Variants in TMEM72 observed in about 807,000 individuals in gnomAD.
The protein encoded by TMEM72 is transmembrane protein 72.
TMEM72 carries 9 observed loss-of-function variants against 16.3 expected under a neutral mutation model. That is an observed-to-expected ratio of 0.55 (90% confidence interval 0.33 to 0.96). TMEM72 has a LOEUF of 0.96. Among genes scored for constraint, TMEM72 ranks in the 40% least tolerant of loss-of-function variants. TMEM72 has a pLI of 0.03. For missense variants in TMEM72, 324 were observed against 337.8 expected (o/e 0.96, Z 0.32); for synonymous variants, 160 against 146.5 (o/e 1.09, Z -0.66).
intron 3 of TMEM72, 81 bp downstream of exon 3, chr10:44,932,150 C>A: frequency 6.8e-7 from 1 of 1,481,136 alleles, no homozygotes; most frequent in South Asian, 1.2e-5. Context: ...GAGCCCACAA[C>A]CAGGGGATGT....
chr10:44,926,149 A>G (rs1210887681), intron 1 of TMEM72, among the ~76,000 whole-genome samples: 1 of 151,822 alleles, frequency 6.6e-6, no homozygotes, highest in Non-Finnish European at 1.5e-5. Context: ...TCACATATAT[A>G]CTCACATATA....
Position 44,935,118 on chromosome 10 carries a change from C to A in TMEM72, c.812C>A (p.Ala271Asp). 2 of 1,599,242 alleles carry A rather than the reference C, an allele frequency of 1.3e-6. No individual in the cohort carries two copies. The highest frequency in any genetic ancestry group is 1.7e-6 in the Non-Finnish European group (2 of 1,172,578). Residue 271 changes from alanine (A) to aspartate (D), a missense_variant, in exon 5 of 5, where the codon GCC (alanine) becomes GAC (aspartate). Physicochemically the swap from Ala to Asp is moderately radical, Grantham distance 126. Coordinates refer to ENST00000389583, the MANE Select transcript of TMEM72 (RefSeq NM_001123376.3). ...QAPLFLSSLT[A>D]TGLF ...CCACTCTTCCTGTCATCTCTTACAG[C>A]CACCGGCCTGTTCTGAGCGCTTGCT...
At chr10:44,932,820 CCCTGGATGGACTCCA>C (rs1840322770) in intron 3 of TMEM72, among the ~76,000 whole-genome samples, 1 of 152,174 alleles carries the variant, frequency 6.6e-6, no homozygotes, top group Admixed American at 6.5e-5. Flanking sequence ...GAGGAATGGA[CCCTGGATGGACTCCA>C]CCGCACCCTG....
intron 1 of TMEM72, among the ~76,000 whole-genome samples, chr10:44,924,507 G>A (rs548106406): frequency 3.1e-4 from 46 of 146,272 alleles, no homozygotes; most frequent in Non-Finnish European, 6.1e-4. Context: ...GTGGGCCTCG[G>A]AGAAGCGGCC....
At position 44,911,555 on chromosome 10, in the gene TMEM72, C is replaced by T. The variant is rs1217480422; in HGVS notation, c.43C>T (p.Arg15Trp). 9 of 1,551,112 alleles carry T rather than the reference C, an allele frequency of 5.8e-6. No individual in the cohort carries two copies. The highest frequency in any genetic ancestry group is 2.4e-5 in the East Asian group (1 of 41,092). ...CTGGACTGGGCTGGAATACACCTGC[C>T]GGCTCCTGGGCATCACCACTGCTGC... ...VFWTGLEYTCRLLGITTAAVL... is the reference protein window; with the variant it reads ...VFWTGLEYTCWLLGITTAAVL... Residue 15 changes from arginine to tryptophan, a missense_variant, in exon 1 of 5, where the codon CGG (arginine) becomes TGG (tryptophan). By Grantham distance (101) the Arg-to-Trp change is moderately radical. Transcript: ENST00000389583.
chr10:44,926,405 A>G (rs1840193886), intron 1 of TMEM72, among the ~76,000 whole-genome samples: 1 of 152,272 alleles, frequency 6.6e-6, no homozygotes, highest in South Asian at 2.1e-4. Context: ...CCTCTGTAAA[A>G]TGGAGAGAGT....
chr10:44,930,795 T>A (rs2132727685), intron 2 of TMEM72, among the ~76,000 whole-genome samples: 1 of 152,254 alleles, frequency 6.6e-6, no homozygotes, highest in Admixed American at 6.5e-5. Context: ...ATCATTTAAT[T>A]CTTAGAACAG....
Position 44,933,770 on chromosome 10 carries a change from A to G in TMEM72, c.343A>G (p.Ile115Val), listed in dbSNP as rs764311300. ...LHPVLVWHVT[I>V]PGSMLIITGL... ...CCCGGTCCTGGTCTGGCACGTGACC[A>G]TCCCAGGTAAGAGCACAGGGGTAGA... The change falls in exon 4 of 5, where the codon ATC (isoleucine) becomes GTC (valine). Residue 115 changes from isoleucine (I) to valine (V), a missense_variant. Ile to Val is a conservative substitution (Grantham distance 29). Transcript: ENST00000389583. 3 of 1,613,644 alleles carry G rather than the reference A, an allele frequency of 1.9e-6. No individual in the cohort carries two copies. Among genetic ancestry groups the G allele is most frequent in the Middle Eastern group, 1.7e-4 (1 of 6,038 alleles).
In TMEM72 at chr10:44,934,964, A is replaced by C; in HGVS notation, c.658A>C (p.Lys220Gln). 1.2e-6 allele frequency: 2 copies of C among 1,614,062 alleles called. No homozygotes were observed. The highest frequency in any genetic ancestry group is 1.7e-6 in the Non-Finnish European group (2 of 1,180,018). Residue 220 changes from lysine to glutamine, a missense_variant, in exon 5 of 5, where the codon AAG becomes CAG. Lys to Gln is a moderately conservative substitution (Grantham distance 53, BLOSUM62 1). Coordinates refer to ENST00000389583, the MANE Select transcript of TMEM72 (RefSeq NM_001123376.3). ...LEPADSLAKKKQVHFEDNLVR... is the reference protein window; with the variant it reads ...LEPADSLAKKQQVHFEDNLVR... Reference sequence around the variant, plus strand: ...GCCAGCCGACTCCCTGGCCAAGAAGAAGCAGGTGCACTTTGAAGACAACTT... The same window carrying C: ...GCCAGCCGACTCCCTGGCCAAGAAGCAGCAGGTGCACTTTGAAGACAACTT...
At chr10:44,920,207 T>G (rs1316924238) in intron 1 of TMEM72, 3 of 152,286 alleles carry the variant, frequency 2.0e-5, no homozygotes, top group African/African-American at 4.8e-5. Context: ...GGGCATCCAG[T>G]GCCAAGGTTA....
chr10:44,912,310 C>T (rs185524229), intron 1 of TMEM72, among the ~76,000 whole-genome samples: 81 of 152,344 alleles, frequency 5.3e-4, no homozygotes, highest in African/African-American at 1.6e-3. Flanking sequence ...CTGAGCCCTG[C>T]CTGCTCGCTT....
rs1466814331 is a variant in TMEM72 at position 44,927,979 on chromosome 10, C to T, written c.129C>T (p.Phe43=). 2 of 1,613,698 alleles carry T rather than the reference C, an allele frequency of 1.2e-6. No homozygotes were observed. Among genetic ancestry groups the T allele is most frequent in the Non-Finnish European group, 1.7e-6 (2 of 1,179,962 alleles). The stretch of plus-strand genomic sequence containing the variant: ...AGGGCCAGTTCAAAAGCCTGGCTTT[C>T]TATCTGCTGTGAGTATGTGTGCATG... The part of the protein sequence containing the change: ...FLQGQFKSLA[F]YLLFTGAAVS... Residue 43 remains phenylalanine (F), a synonymous_variant, in exon 2 of 5, where the codon TTC becomes TTT. Coordinates refer to ENST00000389583, the MANE Select transcript of TMEM72 (RefSeq NM_001123376.3).
intron 1 of TMEM72, among the ~76,000 whole-genome samples, chr10:44,926,422 C>T (rs929948357): frequency 6.6e-6 from 1 of 152,218 alleles, no homozygotes; most frequent in African/African-American, 2.4e-5. Context: ...GAGTGGGACT[C>T]CTGTGCCACA....
chr10:44,920,514 A>G (rs1023836998), intron 1 of TMEM72, among the ~76,000 whole-genome samples: 4 of 152,226 alleles, frequency 2.6e-5, no homozygotes, highest in Non-Finnish European at 5.9e-5. Flanking sequence ...AGTTTGGGTC[A>G]CTTATATCCC....
intron 1 of TMEM72, among the ~76,000 whole-genome samples, chr10:44,912,476 C>G (rs1839951798): frequency 1.3e-5 from 2 of 152,214 alleles, no homozygotes; most frequent in Admixed American, 1.3e-4. Flanking sequence ...CCTTCCCCAC[C>G]ACTGGGCAAA....
rs563888231 is a variant in TMEM72, at chr10:44,931,897, G to A, written c.138-101G>A. The A allele has an allele frequency of 1.0e-5, 12 of 1,180,276 alleles. No individual in the cohort carries two copies. In the East Asian group the frequency reaches 1.5e-4, roughly 15 times the overall value. 73.1% of individuals were successfully genotyped at this position (1,180,276 alleles called of 1,614,324 possible). ...TGGGGGAATCCAGGTGAGTCCATTG[G>A]CTGTAGATGTGATGTCAGGAGGCCA... On this transcript the variant is annotated intron_variant, in intron 2 of 4. Transcript: ENST00000389583.
At chr10:44,934,529 G>A in intron 4 of TMEM72, 127 bp from the exon 5 acceptor site, 1 of 930,262 alleles carries the variant, frequency 1.1e-6, no homozygotes, top group South Asian at 1.9e-5. Context: ...AGAGGGCCAG[G>A]GCCACAGGGG....
intron 1 of TMEM72, among the ~76,000 whole-genome samples, chr10:44,923,465 C>T (rs1840136150): frequency 6.6e-6 from 1 of 152,202 alleles, no homozygotes; most frequent in African/African-American, 2.4e-5. Flanking sequence ...GTCGGTCTCA[C>T]TCCTCAGGGA....
chr10:44,926,609 G>A (rs942761900), intron 1 of TMEM72, among the ~76,000 whole-genome samples: 3 of 152,128 alleles, frequency 2.0e-5, no homozygotes, highest in African/African-American at 4.8e-5. Flanking sequence ...TGGGAGACTC[G>A]GTGTCCGCCT....
Sources: gnomAD v4.1 joint callset for allele counts (sites outside exome capture counted in the v4.1 genomes callset) on GRCh38, gnomAD v4.1.1 for gene constraint, MANE v1.5 for transcripts, NCBI Gene and HGNC (gene_info 2026-07-23, HGNC 2026-07-21) for gene names.